Variants in OPA3 observed in about 807,000 individuals in gnomAD.
OPA3 encodes optic atrophy 3 protein.
OPA3 carries 6 observed loss-of-function variants against 4.0 expected under a neutral mutation model. The observed-to-expected ratio is 1.51, with a 90% CI of 0.83 to 2.99. The LOEUF (loss-of-function observed/expected upper bound fraction) is 2.99, where lower values mean the gene tolerates loss of function less well. Ranked by LOEUF, OPA3 falls within the 30% of genes most tolerant of loss-of-function variation. OPA3 has a pLI of 0.00. For synonymous variants in OPA3, 105 were observed against 117.1 expected, an observed-to-expected ratio of 0.90 and a Z score of 0.67; for missense variants, 235 against 256.2, an observed-to-expected ratio of 0.92 and a Z score of 0.56.
At position 45,584,606 on chromosome 19, in the gene OPA3, AT is replaced by A. The variant is rs773090739; in HGVS notation, c.142+16del. On this transcript the variant is annotated intron_variant, in intron 1 of 1. Transcript: ENST00000263275. Reference sequence around the variant, plus strand: ...GGAGAAAGGAAAAAGGTTGGAGGGAATTCGGGTCAGACTCACGTTGAGCCGG... The same window carrying A: ...GGAGAAAGGAAAAAGGTTGGAGGGAATCGGGTCAGACTCACGTTGAGCCGG... 1 of 1,614,168 alleles carries A rather than the reference AT, an allele frequency of 6.2e-7. No individual in the cohort carries two copies. The highest frequency in any genetic ancestry group is 8.5e-7 in the Non-Finnish European group (1 of 1,179,994).
At chr19:45,572,626 GTATA>G (rs1303306250) in intron 1 of OPA3, among the ~76,000 whole-genome samples, 32 of 120,908 alleles carry the variant, frequency 2.6e-4, no homozygotes, top group Non-Finnish European at 5.0e-4. Flanking sequence ...CATGATATAT[GTATA>G]TAAATATATA....
Position 45,582,544 on chromosome 19 carries a change from C to T in OPA3, c.142+2079G>A, listed in dbSNP as rs115587832. Among the ~76,000 whole-genome samples the T allele has an allele frequency of 6.1e-3, 920 of 151,840 alleles. 13 individuals are homozygous for T. Among genetic ancestry groups the T allele is most frequent in the African/African-American group, 0.021 (870 of 41,366 alleles). On this transcript the variant is annotated intron_variant, in intron 1 of 1. Coordinates refer to ENST00000263275, the MANE Select transcript of OPA3 (RefSeq NM_025136.4). ...AGGCTGGAGTGTAGTGGTGCGATCT[C>T]GGTGGAGCAGAGTTTTTAAGGATAA...
intron 1 of OPA3, among the ~76,000 whole-genome samples, chr19:45,574,621 T>C (rs1393246883): frequency 1.3e-5 from 2 of 152,096 alleles, no homozygotes; most frequent in Admixed American, 6.6e-5. Flanking sequence ...ACATGGCTAA[T>C]AAGCAGCAGT....
At chr19:45,532,546 C>A (rs1599948849) in intron 1 of OPA3, among the ~76,000 whole-genome samples, 1 of 152,108 alleles carries the variant, frequency 6.6e-6, no homozygotes, top group Non-Finnish European at 1.5e-5. Context: ...CAGTCTGGAA[C>A]GCCACCCTGC....
At position 45,551,027 on chromosome 19, in the gene OPA3, C is replaced by G; in HGVS notation, c.*2487G>C. ...CCAGGCTGGAGTGTAGTGGCGCGATCACGGCTCGCTGCAGCCTCGACCTCC... is the reference window on the plus strand; with the variant it reads ...CCAGGCTGGAGTGTAGTGGCGCGATGACGGCTCGCTGCAGCCTCGACCTCC... On this transcript the variant is annotated 3_prime_UTR_variant, in exon 2 of 2. Coordinates refer to ENST00000263275, the MANE Select transcript of OPA3 (RefSeq NM_025136.4). 1 of 891,968 alleles carries G rather than the reference C, an allele frequency of 1.1e-6. No individual in the cohort carries two copies. The highest frequency in any genetic ancestry group is 1.3e-6 in the Non-Finnish European group (1 of 744,408). The allele number at this position is 891,968 out of a possible 1,614,324, so 55.3% of individuals were successfully genotyped here.
chr19:45,553,950 C>T (rs1044031467), intron 1 of OPA3, 39 bp from the exon 2 acceptor site: 2 of 1,548,092 alleles, frequency 1.3e-6, no homozygotes, highest in Non-Finnish European at 1.8e-6. Flanking sequence ...GCTCTGGGAG[C>T]CCCCTGCAAG....
At chr19:45,575,561 G>T (rs560835563) in intron 1 of OPA3, among the ~76,000 whole-genome samples, 1 of 152,006 alleles carries the variant, frequency 6.6e-6, no homozygotes, top group East Asian at 1.9e-4. Context: ...TGTTTCCCAC[G>T]GCCACTATAA....
At chr19:45,568,166 C>T (rs12460756) in intron 1 of OPA3, among the ~76,000 whole-genome samples, 9,593 of 152,022 alleles carry the variant, frequency 0.063, 391 homozygotes, top group East Asian at 0.11. Flanking sequence ...ACCTGGCAAT[C>T]CAGTCAATTT....
In OPA3 at chr19:45,550,185, A is replaced by T; in HGVS notation, c.*3329T>A. On this transcript the variant is annotated 3_prime_UTR_variant, in exon 2 of 2. Coordinates refer to ENST00000263275, the MANE Select transcript of OPA3 (RefSeq NM_025136.4). ...GAAAAGAAAAGAAAAAAGAAGAGAA[A>T]AGAAGAAAAGAAAAGTTTCAGAACC... 1 of 983,350 alleles carries T rather than the reference A, an allele frequency of 1.0e-6. No homozygotes were observed. The highest frequency in any genetic ancestry group is 1.2e-6 in the Non-Finnish European group (1 of 828,130). The allele number at this position is 983,350 out of a possible 1,614,324, so 60.9% of individuals were successfully genotyped here.
intron 1 of OPA3, among the ~76,000 whole-genome samples, chr19:45,565,323 C>G (rs1365903488): frequency 4.0e-5 from 6 of 149,132 alleles, no homozygotes; most frequent in Admixed American, 2.0e-4. Context: ...CGAAACTGCA[C>G]GCATTACATA....
rs1480319743 is a variant in OPA3 at position 45,584,631 on chromosome 19, G to A, written c.134C>T (p.Pro45Leu). The A allele has an allele frequency of 6.2e-7, 1 of 1,614,210 alleles. No individual in the cohort carries two copies. Among genetic ancestry groups the A allele is most frequent in the South Asian group, 1.1e-5 (1 of 91,084 alleles). ...ATTCGGGTCAGACTCACGTTGAGCC[G>A]GCGGGAGGCAGATATAGGTCTTGAA... ...EFFKTYICLP[P>L]AQLYHWVEMR... The change falls in exon 1 of 2, where the codon CCG (proline) becomes CTG (leucine). Residue 45 changes from proline (P) to leucine (L), a missense_variant. Pro to Leu is a moderately conservative substitution (Grantham distance 98, BLOSUM62 -3). Transcript: ENST00000263275.
In OPA3 at chr19:45,552,109, T is replaced by C. The variant is rs1383371580; in HGVS notation, c.*1405A>G. The C allele has an allele frequency of 1.4e-5, 14 of 985,244 alleles. No homozygotes were observed. The allele number at this position is 985,244 out of a possible 1,614,324, so 61.0% of individuals were successfully genotyped here. A position where few individuals can be genotyped will look rare whatever the true frequency, so the allele number is the denominator to read the frequency against. On this transcript the variant is annotated 3_prime_UTR_variant, in exon 2 of 2. Coordinates refer to ENST00000263275, the MANE Select transcript of OPA3 (RefSeq NM_025136.4). ...GATCCTGTAGTGCCATTCCAGTGGG[T>C]TGTGCCATAGACTCAAGGATGAGGG...
chr19:45,538,142 A>G (rs1002160047), intron 1 of OPA3, among the ~76,000 whole-genome samples: 3 of 126,420 alleles, frequency 2.4e-5, no homozygotes, highest in African/African-American at 9.0e-5. Flanking sequence ...AAAAAAAAAA[A>G]GATTCTAGCT....
Position 45,552,236 on chromosome 19 carries a change from T to C in OPA3, c.*1278A>G, listed in dbSNP as rs1555732601. 2 of 983,738 alleles carry C rather than the reference T, an allele frequency of 2.0e-6. No individual in the cohort carries two copies. The highest frequency in any genetic ancestry group is 2.4e-6 in the Non-Finnish European group (2 of 828,780). 60.9% of individuals were successfully genotyped at this position (983,738 alleles called of 1,614,324 possible). On this transcript the variant is annotated 3_prime_UTR_variant, in exon 2 of 2. Transcript: ENST00000263275. ...TTTTGTGGGTTTTTTTAAGATGGAG[T>C]TTTGCTCGTTACCCAGGCTGGCATG...
rs1278896715 is a variant in OPA3, at chr19:45,553,924, A to C, written c.143-13T>G. The C allele has an allele frequency of 3.1e-6, 5 of 1,597,754 alleles. No individual in the cohort carries two copies. The Admixed American group carries it at 8.4e-5, about 27-fold the overall frequency. Reference sequence around the variant, plus strand: ...ACCCAGTGATACACTGCGGGGGAAGAGAGGGGTCAGGCTGCGCTCTGGGAG... The same window carrying C: ...ACCCAGTGATACACTGCGGGGGAAGCGAGGGGTCAGGCTGCGCTCTGGGAG... On this transcript the variant is annotated splice_polypyrimidine_tract_variant and intron_variant, in intron 1 of 1. Coordinates refer to ENST00000263275, the MANE Select transcript of OPA3 (RefSeq NM_025136.4).
chr19:45,555,396 C>T (rs1022854582), intron 1 of OPA3, among the ~76,000 whole-genome samples: 3 of 152,102 alleles, frequency 2.0e-5, no homozygotes, highest in Admixed American at 1.3e-4. Flanking sequence ...AGTGTAGTGG[C>T]GCAATCATGG....
At chr19:45,569,721 C>T (rs569792033) in intron 1 of OPA3, among the ~76,000 whole-genome samples, 29 of 152,086 alleles carry the variant, frequency 1.9e-4, no homozygotes, top group African/African-American at 9.6e-5. Context: ...CCTGACCACC[C>T]GCCCCTCCAT....
intron 1 of OPA3, among the ~76,000 whole-genome samples, chr19:45,578,066 T>C (rs1219623090): frequency 6.6e-6 from 1 of 152,186 alleles, no homozygotes; most frequent in African/African-American, 2.4e-5. Context: ...GACTCCATCT[T>C]ACTTCCAACC....
rs116451720 is a variant in OPA3, at chr19:45,568,807, G to A, written c.143-14896C>T. The stretch of plus-strand genomic sequence containing the variant: ...GACGGTGCTGGGATGGGGATGTGAC[G>A]CAGGGTGGACCACTGGATTCAGCCT... On this transcript the variant is annotated intron_variant, in intron 1 of 1. Coordinates refer to ENST00000263275, the MANE Select transcript of OPA3 (RefSeq NM_025136.4). 3.3e-3 allele frequency among the ~76,000 whole-genome samples: 505 copies of A among 152,210 alleles called. 1 individual carries two copies. The highest frequency in any genetic ancestry group is 0.012 in the African/African-American group (483 of 41,534).
Sources: gnomAD v4.1 joint callset for allele counts (sites outside exome capture counted in the v4.1 genomes callset) on GRCh38, gnomAD v4.1.1 for gene constraint, MANE v1.5 for transcripts, NCBI Gene and HGNC (gene_info 2026-07-23, HGNC 2026-07-21) for gene names.